Variants in CLSTN2 observed in about 807,000 individuals in gnomAD.
The protein encoded by CLSTN2 is calsyntenin-2.
CLSTN2 carries 48 observed loss-of-function variants against 101.2 expected under a neutral mutation model. The observed-to-expected ratio is 0.47, with a 90% CI of 0.38 to 0.60. The LOEUF is 0.60. CLSTN2 is among the 20% of genes least tolerant of loss of function. The pLI, the probability that CLSTN2 is intolerant of heterozygous loss-of-function variation, is 0.00. For missense variants in CLSTN2, 1,160 were observed against 1,238.2 expected (o/e 0.94, Z 0.95); for synonymous variants, 481 against 463.6 (o/e 1.04, Z -0.48).
chr3:140,087,745 A>T lies in CLSTN2; in HGVS notation c.110-88206A>T, dbSNP rs187849016. ...GCTCCCAAAATGGATACCTAACCCA[A>T]CCTGAGAGAGGAGAGTAATATCATT... On this transcript the variant is annotated intron_variant, in intron 1 of 16. Transcript: ENST00000458420. Among the ~76,000 whole-genome samples, 48 of 152,318 alleles carry T rather than the reference A, an allele frequency of 3.2e-4. No homozygotes were observed. The East Asian group carries it at 7.7e-3, about 24-fold the overall frequency.
At chr3:139,982,195 G>A (rs1325084444) in intron 1 of CLSTN2, among the ~76,000 whole-genome samples, 1 of 151,818 alleles carries the variant, frequency 6.6e-6, no homozygotes, top group African/African-American at 2.4e-5. Context: ...GTTTGTTTTT[G>A]GTTGAATTTT....
intron 8 of CLSTN2, among the ~76,000 whole-genome samples, chr3:140,529,211 G>C (rs1025085105): frequency 7.2e-5 from 11 of 152,196 alleles, no homozygotes; most frequent in Non-Finnish European, 1.5e-4. Flanking sequence ...CTTTGGCGTT[G>C]TCCCTGCTAC....
intron 2 of CLSTN2, among the ~76,000 whole-genome samples, chr3:140,339,517 G>T (rs932278728): frequency 1.3e-5 from 2 of 152,088 alleles, no homozygotes; most frequent in Non-Finnish European, 2.9e-5. Flanking sequence ...GTCACCTGGG[G>T]AGCTTAAAAA....
chr3:140,049,680 C>G (rs1389340308), intron 1 of CLSTN2, among the ~76,000 whole-genome samples: 1 of 152,184 alleles, frequency 6.6e-6, no homozygotes, highest in African/African-American at 2.4e-5. Context: ...AGACACACAT[C>G]AGGATCCCAG....
intron 1 of CLSTN2, among the ~76,000 whole-genome samples, chr3:140,080,156 GA>G (rs1389152337): frequency 1.3e-5 from 2 of 152,182 alleles, no homozygotes; most frequent in Non-Finnish European, 1.5e-5. Flanking sequence ...ATAGAGCAAG[GA>G]TATTGTCACC....
intron 4 of CLSTN2, among the ~76,000 whole-genome samples, chr3:140,408,710 G>A (rs1020169487): frequency 6.6e-6 from 1 of 152,114 alleles, no homozygotes; most frequent in Non-Finnish European, 1.5e-5. Flanking sequence ...TGCTGCCGTT[G>A]TAGACACCCC....
chr3:140,167,669 G>A (rs150316891), intron 1 of CLSTN2, among the ~76,000 whole-genome samples: 98 of 152,226 alleles, frequency 6.4e-4, no homozygotes, highest in African/African-American at 2.1e-3. Context: ...TGGTTTCATC[G>A]TCTCAGAACA....
At chr3:140,080,171 G>A (rs114166082) in intron 1 of CLSTN2, among the ~76,000 whole-genome samples, 1,987 of 152,292 alleles carry the variant, frequency 0.013, 49 homozygotes, top group African/African-American at 0.046. Context: ...TGTCACCTGA[G>A]AAACCAACAT....
intron 1 of CLSTN2, among the ~76,000 whole-genome samples, chr3:139,942,328 G>C (rs1935145534): frequency 6.6e-6 from 1 of 152,162 alleles, no homozygotes. Flanking sequence ...GCCTCAAGCA[G>C]AGGAGGCAGC....
rs774570116 is a variant in CLSTN2, at chr3:140,572,682, C to A, written c.*6429C>A. 4.6e-5 allele frequency: 7 copies of A among 152,280 alleles called. No individual in the cohort carries two copies. Among genetic ancestry groups the A allele is most frequent in the Non-Finnish European group, 1.0e-4 (7 of 68,092 alleles). The allele number at this position is 152,280 out of a possible 1,614,324, so 9.4% of individuals were successfully genotyped here. A position where few individuals can be genotyped will look rare whatever the true frequency, so the allele number is the denominator to read the frequency against. ...CATATTCTTGGGCCCCACCCCAGAC[C>A]TACTGAATGAGAAGCTCTGGAGGCA... On this transcript the variant is annotated 3_prime_UTR_variant, in exon 17 of 17. Transcript: ENST00000458420.
At chr3:140,458,007 A>G (rs754680264) in intron 6 of CLSTN2, among the ~76,000 whole-genome samples, 6 of 152,218 alleles carry the variant, frequency 3.9e-5, no homozygotes, top group Admixed American at 6.5e-5. Context: ...TGCTCTTCAC[A>G]TAGCATAACC....
intron 1 of CLSTN2, among the ~76,000 whole-genome samples, chr3:140,140,760 G>A (rs1316959903): frequency 1.3e-5 from 2 of 152,166 alleles, no homozygotes; most frequent in Non-Finnish European, 2.9e-5. Flanking sequence ...CCTTTAAAGT[G>A]GCAAAGTCAG....
At chr3:140,549,374 G>A (rs1219711085) in intron 10 of CLSTN2, among the ~76,000 whole-genome samples, 1 of 151,594 alleles carries the variant, frequency 6.6e-6, no homozygotes, top group East Asian at 2.0e-4. Flanking sequence ...GACTGAGGAG[G>A]CTAATCTGAT....
chr3:139,971,808 A>C (rs1275829990), intron 1 of CLSTN2, among the ~76,000 whole-genome samples: 1 of 152,154 alleles, frequency 6.6e-6, no homozygotes, highest in Non-Finnish European at 1.5e-5. Context: ...GGAGACATGG[A>C]TTCTAGTCCA....
chr3:140,387,499 T>C (rs954680844), intron 2 of CLSTN2, among the ~76,000 whole-genome samples: 13 of 152,224 alleles, frequency 8.5e-5, no homozygotes, highest in African/African-American at 3.1e-4. Context: ...TGCTTGTTAA[T>C]AGTGTTTGTT....
At chr3:140,405,622 A>G (rs953321968) in intron 4 of CLSTN2, among the ~76,000 whole-genome samples, 1 of 152,148 alleles carries the variant, frequency 6.6e-6, no homozygotes, top group African/African-American at 2.4e-5. Context: ...TAATAACCCA[A>G]TCCCAGACTG....
intron 1 of CLSTN2, among the ~76,000 whole-genome samples, chr3:140,171,399 G>C (rs113487490): frequency 0.02 from 3,063 of 151,690 alleles, 113 homozygotes; most frequent in African/African-American, 0.069. Context: ...GTTTGTGATT[G>C]CTGTGGAATG....
intron 2 of CLSTN2, among the ~76,000 whole-genome samples, chr3:140,346,269 C>A (rs188365414): frequency 6.8e-4 from 104 of 152,282 alleles, no homozygotes; most frequent in African/African-American, 2.3e-3. Flanking sequence ...TTTGCCAAGT[C>A]CCCTCAGCCA....
chr3:140,327,793 T>C (rs991687692), intron 2 of CLSTN2, among the ~76,000 whole-genome samples: 3 of 152,240 alleles, frequency 2.0e-5, no homozygotes, highest in African/African-American at 7.2e-5. Flanking sequence ...TTCTTGCCAC[T>C]CATCTTTAAA....
Sources: gnomAD v4.1 joint callset for allele counts (sites outside exome capture counted in the v4.1 genomes callset) on GRCh38, gnomAD v4.1.1 for gene constraint, MANE v1.5 for transcripts, NCBI Gene and HGNC (gene_info 2026-07-23, HGNC 2026-07-21) for gene names.